ZKSCAN1: variants seen among roughly 807,000 people sequenced by gnomAD.
ZKSCAN1 encodes the protein zinc finger protein with KRAB and SCAN domains 1.
In ZKSCAN1, 14 loss-of-function variants were observed where a neutral mutation model predicts 51.6. The ratio of observed to expected loss-of-function variants is 0.27; its 90% confidence interval spans 0.18 to 0.42. The LOEUF (loss-of-function observed/expected upper bound fraction) is 0.42, where lower values mean the gene tolerates loss of function less well. ZKSCAN1 is among the 10% of genes least tolerant of loss of function. The pLI is 1.00. For synonymous variants in ZKSCAN1, 263 were observed against 261.5 expected (o/e 1.01, Z -0.06); for missense variants, 531 against 710.0 (o/e 0.75, Z 2.86).
At position 100,039,738 on chromosome 7, in the gene ZKSCAN1, G is replaced by A. The variant is rs1304882067; in HGVS notation, c.*5541G>A. The A allele has an allele frequency of 1.0e-6, 1 of 985,212 alleles. No individual in the cohort carries two copies. Among genetic ancestry groups the A allele is most frequent in the Non-Finnish European group, 1.2e-6 (1 of 829,934 alleles). 61.0% of individuals were successfully genotyped at this position (985,212 alleles called of 1,614,324 possible). On this transcript the variant is annotated 3_prime_UTR_variant, in exon 6 of 6. Coordinates refer to ENST00000324306, the MANE Select transcript of ZKSCAN1 (RefSeq NM_003439.4). ...AGTGACAGCAGTACTTCCCAGGGTG[G>A]GGGCCATATTTCTCTGTGTCCTACT...
At chr7:100,018,826 C>T (rs947057183) in intron 1 of ZKSCAN1, among the ~76,000 whole-genome samples, 2 of 152,158 alleles carry the variant, frequency 1.3e-5, no homozygotes, top group African/African-American at 4.8e-5. Context: ...TCCCTGCACC[C>T]CAGAGTAGGA....
At position 100,036,322 on chromosome 7, in the gene ZKSCAN1, T is replaced by G. The variant is rs1791359531; in HGVS notation, c.*2125T>G. ...GAAGAGTATATCTAAGTAACTAAAATGGAGGCAGAAAATGTTTTAAGGATT... is the reference window on the plus strand; with the variant it reads ...GAAGAGTATATCTAAGTAACTAAAAGGGAGGCAGAAAATGTTTTAAGGATT... On this transcript the variant is annotated 3_prime_UTR_variant, in exon 6 of 6. Coordinates refer to ENST00000324306, the MANE Select transcript of ZKSCAN1 (RefSeq NM_003439.4). 1.0e-6 allele frequency: 1 copy of G among 985,232 alleles called. No individual in the cohort carries two copies. The allele number at this position is 985,232 out of a possible 1,614,324, so 61.0% of individuals were successfully genotyped here.
chr7:100,044,903 G>C, downstream of ZKSCAN1: 2 of 985,322 alleles, frequency 2.0e-6, no homozygotes, highest in Non-Finnish European at 2.4e-6. Flanking sequence ...GGGAAGTCAC[G>C]GTTTGGTTAC....
intron 1 of ZKSCAN1, among the ~76,000 whole-genome samples, chr7:100,016,318 G>A (rs1196100244): frequency 1.3e-5 from 2 of 152,102 alleles, no homozygotes; most frequent in African/African-American, 2.4e-5. Flanking sequence ...GGATCTAGTA[G>A]AGATTATATA....
chr7:100,023,264 G>A, intron 1 of ZKSCAN1, 155 bp from the exon 2 acceptor site: 1 of 359,590 alleles, frequency 2.8e-6, no homozygotes. Context: ...GCCTGCCTCG[G>A]CCTCCCAAAG....
Position 100,041,605 on chromosome 7 carries a change from A to G in ZKSCAN1, c.*7408A>G. On this transcript the variant is annotated 3_prime_UTR_variant, in exon 6 of 6. Coordinates refer to ENST00000324306, the MANE Select transcript of ZKSCAN1 (RefSeq NM_003439.4). ...TTAAGAGTAGTGAGGTTGAGGAAGG[A>G]AATTGTGGGGATTTGAAATATTCTC... 2 of 985,422 alleles carry G rather than the reference A, an allele frequency of 2.0e-6. No homozygotes were observed. Among genetic ancestry groups the G allele is most frequent in the Non-Finnish European group, 2.4e-6 (2 of 829,932 alleles). The allele number at this position is 985,422 out of a possible 1,614,324, so 61.0% of individuals were successfully genotyped here.
At chr7:100,031,089 A>G (rs1791084591) in intron 5 of ZKSCAN1, among the ~76,000 whole-genome samples, 1 of 152,148 alleles carries the variant, frequency 6.6e-6, no homozygotes, top group African/African-American at 2.4e-5. Flanking sequence ...AGTGCTGCAA[A>G]GAAGCCCTCA....
intron 3 of ZKSCAN1, among the ~76,000 whole-genome samples, chr7:100,028,714 C>T (rs373822256): frequency 6.8e-6 from 1 of 147,780 alleles, no homozygotes; most frequent in Non-Finnish European, 1.5e-5. Context: ...ATTGTGATCA[C>T]GTGATAATGT....
In ZKSCAN1 at chr7:100,036,310, A is replaced by G. The variant is rs1284459049; in HGVS notation, c.*2113A>G. The G allele has an allele frequency of 2.0e-6, 2 of 985,350 alleles. No homozygotes were observed. Among genetic ancestry groups the G allele is most frequent in the African/African-American group, 3.5e-5 (2 of 57,264 alleles). 61.0% of individuals were successfully genotyped at this position (985,350 alleles called of 1,614,324 possible). ...CCCATTACTCCAGAAGAGTATATCT[A>G]AGTAACTAAAATGGAGGCAGAAAAT... On this transcript the variant is annotated 3_prime_UTR_variant, in exon 6 of 6. Transcript: ENST00000324306.
At position 100,036,306 on chromosome 7, in the gene ZKSCAN1, A is replaced by G; in HGVS notation, c.*2109A>G. ...AAAACCCATTACTCCAGAAGAGTAT[A>G]TCTAAGTAACTAAAATGGAGGCAGA... is the stretch of plus-strand genomic sequence containing the variant. On this transcript the variant is annotated 3_prime_UTR_variant, in exon 6 of 6. Coordinates refer to ENST00000324306, the MANE Select transcript of ZKSCAN1 (RefSeq NM_003439.4). 2 of 985,488 alleles carry G rather than the reference A, an allele frequency of 2.0e-6. No homozygotes were observed. Among genetic ancestry groups the G allele is most frequent in the South Asian group, 9.4e-5 (2 of 21,294 alleles). The allele number at this position is 985,488 out of a possible 1,614,324, so 61.0% of individuals were successfully genotyped here.
At chr7:100,042,143 A>G (rs1422232914), downstream of ZKSCAN1, among the ~76,000 whole-genome samples, 1 of 152,006 alleles carries the variant, frequency 6.6e-6, no homozygotes, top group African/African-American at 2.4e-5. Flanking sequence ...ACATGGTGAA[A>G]CCCCCTCTCT....
At chr7:100,032,393 G>A (rs921150305) in intron 5 of ZKSCAN1, among the ~76,000 whole-genome samples, 2 of 152,020 alleles carry the variant, frequency 1.3e-5, no homozygotes, top group Non-Finnish European at 2.9e-5. Flanking sequence ...TTCCCCTTGT[G>A]TCTGTTTCTT....
At position 100,030,337 on chromosome 7, in the gene ZKSCAN1, A is replaced by T. The variant is rs1281022542; in HGVS notation, c.761A>T (p.Asp254Val). The T allele has an allele frequency of 1.1e-5, 17 of 1,614,118 alleles. No individual in the cohort carries two copies. The highest frequency in any genetic ancestry group is 1.4e-5 in the Non-Finnish European group (16 of 1,180,008). ...CTGGCTCGGAGGAATCTCAGTAGGG[A>T]CAACAGGCAGGAGAATTATGGGAGC... is the stretch of plus-strand genomic sequence containing the variant. ...QNLARRNLSR[D>V]NRQENYGSAF... Residue 254 changes from aspartate to valine, a missense_variant, in exon 5 of 6, where the codon GAC becomes GTC. Coordinates refer to ENST00000324306, the MANE Select transcript of ZKSCAN1 (RefSeq NM_003439.4).
intron 1 of ZKSCAN1, 130 bp from the exon 2 acceptor site, chr7:100,023,289 G>T: frequency 2.1e-6 from 1 of 485,378 alleles, no homozygotes; most frequent in Non-Finnish European, 3.6e-6. Context: ...GAGATTACAG[G>T]CGTGAGCCAC....
In ZKSCAN1 at chr7:100,033,542, G is replaced by C; in HGVS notation, c.1037G>C (p.Gly346Ala). The change falls in exon 6 of 6, where the codon GGT becomes GCT. Residue 346 changes from glycine (G) to alanine (A), a missense_variant. Coordinates refer to ENST00000324306, the MANE Select transcript of ZKSCAN1 (RefSeq NM_003439.4). The surrounding 1 kb of genome is among the most constrained non-coding windows in gnomAD (Gnocchi z 4.1). ...KDKKTITGER[G>A]PREKGKGLGR... ...AAAAAAACCATCACAGGAGAGAGAG[G>C]TCCAAGGGAGAAGGGGAAAGGATTG... 1 of 1,614,044 alleles carries C rather than the reference G, an allele frequency of 6.2e-7. No homozygotes were observed. Among genetic ancestry groups the C allele is most frequent in the Non-Finnish European group, 8.5e-7 (1 of 1,180,018 alleles).
At position 100,037,903 on chromosome 7, in the gene ZKSCAN1, C is replaced by T; in HGVS notation, c.*3706C>T. ...GGCACAGTGGCGCACGCCTGTAGTCCCAGCTACTCGGGAGGCTGAGGCAGG... is the reference window on the plus strand; with the variant it reads ...GGCACAGTGGCGCACGCCTGTAGTCTCAGCTACTCGGGAGGCTGAGGCAGG... On this transcript the variant is annotated 3_prime_UTR_variant, in exon 6 of 6. Transcript: ENST00000324306. 1.4e-6 allele frequency: 1 copy of T among 704,102 alleles called. No homozygotes were observed. The highest frequency in any genetic ancestry group is 6.4e-5 in the South Asian group (1 of 15,578). 43.6% of individuals were successfully genotyped at this position (704,102 alleles called of 1,614,324 possible).
At chr7:100,016,889 A>G (rs1486993315) in intron 1 of ZKSCAN1, 1 of 152,210 alleles carries the variant, frequency 6.6e-6, no homozygotes, top group East Asian at 1.9e-4. Flanking sequence ...TCGCTGTTTT[A>G]CATAGGAAAC....
chr7:100,031,438 C>T (rs13238380), intron 5 of ZKSCAN1, among the ~76,000 whole-genome samples: 48,231 of 151,802 alleles, frequency 0.32, 8,893 homozygotes, highest in Middle Eastern at 0.48. Context: ...TCACCATGCC[C>T]AGCTAATTTT....
In ZKSCAN1 at chr7:100,040,984, G is replaced by A; in HGVS notation, c.*6787G>A. 2 of 985,346 alleles carry A rather than the reference G, an allele frequency of 2.0e-6. No individual in the cohort carries two copies. Among genetic ancestry groups the A allele is most frequent in the Non-Finnish European group, 2.4e-6 (2 of 829,918 alleles). The allele number at this position is 985,346 out of a possible 1,614,324, so 61.0% of individuals were successfully genotyped here. On this transcript the variant is annotated 3_prime_UTR_variant, in exon 6 of 6. Transcript: ENST00000324306. ...AAATATATGAGTTTGGGGGTAAGGG[G>A]TGGGATAGCCAAGCAAAATCAGTAA... is the stretch of plus-strand genomic sequence containing the variant.
Sources: gnomAD v4.1 joint callset for allele counts (sites outside exome capture counted in the v4.1 genomes callset) on GRCh38, gnomAD v4.1.1 for gene constraint, Gnocchi (gnomAD v3.1) non-coding constraint, MANE v1.5 for transcripts, NCBI Gene and HGNC (gene_info 2026-07-23, HGNC 2026-07-21) for gene names.